UGT2A3: variants seen among roughly 807,000 people sequenced by gnomAD.
UGT2A3 encodes the protein UDP glucuronosyltransferase family 2 member A3, also known as UDP-glucuronosyltransferase 2A3.
In UGT2A3, 55 loss-of-function variants were observed where a neutral mutation model predicts 44.1. The observed-to-expected ratio is 1.25, with a 90% CI of 1.00 to 1.56. The LOEUF (loss-of-function observed/expected upper bound fraction) is 1.56, where lower values mean the gene tolerates loss of function less well. Ranked by LOEUF, UGT2A3 falls within the 40% of genes most tolerant of loss-of-function variation. The pLI is 0.00. For synonymous variants in UGT2A3, 243 were observed against 215.1 expected (o/e 1.13, Z -1.13); for missense variants, 733 against 621.6 (o/e 1.18, Z -1.91).
chr4:68,935,857 G>A (rs969482936), intron 2 of UGT2A3, among the ~76,000 whole-genome samples: 7 of 152,214 alleles, frequency 4.6e-5, no homozygotes, highest in African/African-American at 1.4e-4. Context: ...ACAGTGTAGA[G>A]AAGACCTTAA....
chr4:68,950,629 A>G (rs1382668754), intron 1 of UGT2A3, among the ~76,000 whole-genome samples: 1 of 151,878 alleles, frequency 6.6e-6, no homozygotes, highest in Admixed American at 6.6e-5. Flanking sequence ...AGAATTCTAG[A>G]AAATGTTCAA....
At position 68,929,908 on chromosome 4, in the gene UGT2A3, C is replaced by T. The variant is rs13128286; in HGVS notation, c.1489G>A (p.Ala497Thr). Residue 497 changes from alanine to threonine, a missense_variant, in exon 6 of 6, where the codon GCC becomes ACC. Coordinates refer to ENST00000251566, the MANE Select transcript of UGT2A3 (RefSeq NM_024743.4). ...YSIDVIGFLL[A>T]CVATAIFLFT... ...AAGAATATAGCAGTTGCCACACAGG[C>T]CAGCAGGAACCCAATCACATCTATA... is the stretch of plus-strand genomic sequence containing the variant. The T allele has an allele frequency of 0.82, 1,327,566 of 1,612,308 alleles. 554,678 individuals carry two copies. Among genetic ancestry groups the T allele is most frequent in the Non-Finnish European group, 0.87 (1,021,216 of 1,178,938 alleles).
At chr4:68,947,658 A>C (rs1292191214) in intron 1 of UGT2A3, among the ~76,000 whole-genome samples, 2 of 151,854 alleles carry the variant, frequency 1.3e-5, no homozygotes, top group Non-Finnish European at 2.9e-5. Flanking sequence ...CTATAGCCTT[A>C]CAAAATATAT....
chr4:68,946,319 A>G (rs1425187514), intron 1 of UGT2A3, among the ~76,000 whole-genome samples: 4 of 151,672 alleles, frequency 2.6e-5, no homozygotes, highest in Non-Finnish European at 4.4e-5. Flanking sequence ...TGGTGGTGTT[A>G]TACACCATAG....
chr4:68,939,668 A>C (rs1364408857), intron 2 of UGT2A3, among the ~76,000 whole-genome samples: 2 of 152,182 alleles, frequency 1.3e-5, no homozygotes, highest in Non-Finnish European at 2.9e-5. Flanking sequence ...CACCAAAAGC[A>C]ATGGCAACAA....
intron 1 of UGT2A3, among the ~76,000 whole-genome samples, chr4:68,947,959 A>G (rs754729685): frequency 3.9e-5 from 6 of 151,982 alleles, no homozygotes; most frequent in Non-Finnish European, 8.8e-5. Flanking sequence ...TAACATAATT[A>G]TTAAGAGTCC....
intron 2 of UGT2A3, among the ~76,000 whole-genome samples, chr4:68,939,158 A>C (rs562652974): frequency 5.3e-4 from 81 of 152,180 alleles, no homozygotes; most frequent in Non-Finnish European, 1.1e-3. Flanking sequence ...CATGCCCATC[A>C]AGCTACCGAT....
chr4:68,945,286 C>T lies in UGT2A3; in HGVS notation c.864+20G>A, dbSNP rs376884548. The T allele has an allele frequency of 1.1e-5, 18 of 1,609,756 alleles. No individual in the cohort carries two copies. Among genetic ancestry groups the T allele is most frequent in the Non-Finnish European group, 1.4e-5 (17 of 1,177,594 alleles). The stretch of plus-strand genomic sequence containing the variant: ...GTCATGTCATAAAGTACATAATATT[C>T]CTTAATACAATAGTCCTACCTTAGG... On this transcript the variant is annotated intron_variant, in intron 2 of 5. Transcript: ENST00000251566.
Position 68,932,717 on chromosome 4 carries a change from C to A in UGT2A3, c.907G>T (p.Val303Leu). The A allele has an allele frequency of 1.2e-6, 2 of 1,611,588 alleles. No homozygotes were observed. The highest frequency in any genetic ancestry group is 8.5e-7 in the Non-Finnish European group (1 of 1,178,482). The change falls in exon 3 of 6, where the codon GTG becomes TTG. Residue 303 changes from valine (V) to leucine (L), a missense_variant. Transcript: ENST00000251566. ...AACAGTGACCCCAGAGAAAACACCA[C>A]AATACCATCTTCCCCTGAACTCTGG... is the stretch of plus-strand genomic sequence containing the variant. ...FVQSSGEDGI[V>L]VFSLGSLFQN...
In UGT2A3 at chr4:68,951,224, C is replaced by A. The variant is rs780691687; in HGVS notation, c.537G>T (p.Glu179Asp). ...GAGCTGGAAGTTTCCCACAGCTTCG[C>A]TCCATATTGCCTCCTACAGAAATTC... Reference protein sequence around the residue: ...TLRISVGGNMERSCGKLPAPL... With the variant: ...TLRISVGGNMDRSCGKLPAPL... Residue 179 changes from glutamate (E) to aspartate (D), a missense_variant, in exon 1 of 6, where the codon GAG becomes GAT. By Grantham distance (45) the Glu-to-Asp change is conservative (BLOSUM62 2). Coordinates refer to ENST00000251566, the MANE Select transcript of UGT2A3 (RefSeq NM_024743.4). 1 of 1,611,858 alleles carries A rather than the reference C, an allele frequency of 6.2e-7. No homozygotes were observed. The highest frequency in any genetic ancestry group is 1.1e-5 in the South Asian group (1 of 90,892).
rs3749512 is a variant in UGT2A3, at chr4:68,929,789, G to C, written c.*24C>G. 54 of 1,538,492 alleles carry C rather than the reference G, an allele frequency of 3.5e-5. No homozygotes were observed. The East Asian group carries it at 1.2e-3, about 34-fold the overall frequency. ...TGGAATTAACAGGATTACCCCATCA[G>C]GTCTTTCTTGAATTTGGAAAGATCT... On this transcript the variant is annotated 3_prime_UTR_variant, in exon 6 of 6. Transcript: ENST00000251566.
rs1577844848 is a variant in UGT2A3, at chr4:68,932,611, T to C, written c.996+17A>G. On this transcript the variant is annotated intron_variant, in intron 3 of 5. Coordinates refer to ENST00000251566, the MANE Select transcript of UGT2A3 (RefSeq NM_024743.4). ...TTATGTGAATAGCTGCTTATCAGGA[T>C]TGGAGGTTTTACTGACCTTCTGTGG... The C allele has an allele frequency of 2.5e-6, 4 of 1,598,356 alleles. No homozygotes were observed. The highest frequency in any genetic ancestry group is 3.4e-6 in the Non-Finnish European group (4 of 1,174,370).
In UGT2A3 at chr4:68,931,231, C is replaced by T. The variant is rs1343815368; in HGVS notation, c.1008G>A (p.Arg336=). ...ATGTGGATGGTTTTTTTCCTTTGTA[C>T]CTCCATAACACCTACGGAAGAAACA... is the stretch of plus-strand genomic sequence containing the variant. ...LAQIPQKVLW[R]YKGKKPSTLG... Residue 336 remains arginine (R), a synonymous_variant, in exon 4 of 6, where the codon AGG becomes AGA. Coordinates refer to ENST00000251566, the MANE Select transcript of UGT2A3 (RefSeq NM_024743.4). 1.9e-6 allele frequency: 3 copies of T among 1,612,248 alleles called. No individual in the cohort carries two copies.
Position 68,930,688 on chromosome 4 carries a change from T to C in UGT2A3, c.1162A>G (p.Met388Val). 1.2e-6 allele frequency: 2 copies of C among 1,613,370 alleles called. No homozygotes were observed. The highest frequency in any genetic ancestry group is 2.2e-5 in the South Asian group (2 of 91,032). The change falls in exon 5 of 6, where the codon ATG becomes GTG. Residue 388 changes from methionine to valine, a missense_variant. By Grantham distance (21) the Met-to-Val change is conservative. Coordinates refer to ENST00000251566, the MANE Select transcript of UGT2A3 (RefSeq NM_024743.4). The part of the protein sequence containing the change: ...IYEAIYHGVP[M>V]VGVPIFGDQL... ...TCACCAAATATGGGAACTCCCACCA[T>C]AGGGACCCCATGGTAAATAGCTTCA...
In UGT2A3 at chr4:68,951,719, C is replaced by T; in HGVS notation, c.42G>A (p.Gln14=). Reference sequence around the variant, plus strand: ...AGAATCCACAGCCAACACAGAAGAGCTGCAGGAGCAGAAATACCAAAGCTG... The same window carrying T: ...AGAATCCACAGCCAACACAGAAGAGTTGCAGGAGCAGAAATACCAAAGCTG... The part of the protein sequence containing the change: ...DKSALVFLLL[Q]LFCVGCGFCG... The change falls in exon 1 of 6, where the codon CAG becomes CAA. Residue 14 remains glutamine (Q), a synonymous_variant. Coordinates refer to ENST00000251566, the MANE Select transcript of UGT2A3 (RefSeq NM_024743.4). The T allele has an allele frequency of 6.2e-7, 1 of 1,605,524 alleles. No homozygotes were observed. The highest frequency in any genetic ancestry group is 1.1e-5 in the South Asian group (1 of 90,244).
intron 2 of UGT2A3, among the ~76,000 whole-genome samples, chr4:68,937,473 A>G (rs1717996181): frequency 6.6e-6 from 1 of 152,168 alleles, no homozygotes; most frequent in Non-Finnish European, 1.5e-5. Context: ...CAGAGAAATA[A>G]TAAAATGAAG....
chr4:68,944,707 C>T (rs1718317502), intron 2 of UGT2A3, among the ~76,000 whole-genome samples: 1 of 151,736 alleles, frequency 6.6e-6, no homozygotes, highest in East Asian at 2.0e-4. Context: ...TAAACCTCAC[C>T]TAACATTCTC....
chr4:68,950,298 C>A (rs1718533296), intron 1 of UGT2A3, among the ~76,000 whole-genome samples: 1 of 151,854 alleles, frequency 6.6e-6, no homozygotes, highest in Non-Finnish European at 1.5e-5. Flanking sequence ...GTGAAACAGT[C>A]TATGCATAAG....
chr4:68,929,239 C>A lies in UGT2A3; in HGVS notation c.*574G>T, dbSNP rs1401903413. 1 of 152,044 alleles carries A rather than the reference C, an allele frequency of 6.6e-6. No individual in the cohort carries two copies. Among genetic ancestry groups the A allele is most frequent in the East Asian group, 1.9e-4 (1 of 5,176 alleles). 9.4% of individuals were successfully genotyped at this position (152,044 alleles called of 1,614,324 possible). On this transcript the variant is annotated 3_prime_UTR_variant, in exon 6 of 6. Coordinates refer to ENST00000251566, the MANE Select transcript of UGT2A3 (RefSeq NM_024743.4). ...ATGGCAGAAATGTAGGCCATGACAT[C>A]TAGATGAGGTCTATGGAAATACAGC... is the stretch of plus-strand genomic sequence containing the variant.
Sources: allele counts gnomAD v4.1 joint callset (sites outside exome capture counted in the v4.1 genomes callset), GRCh38; gene constraint gnomAD v4.1.1; transcripts MANE v1.5; gene names NCBI Gene and HGNC (gene_info 2026-07-23, HGNC 2026-07-21).